PDGFD: variants seen among roughly 807,000 people sequenced by gnomAD.
The protein encoded by PDGFD is platelet derived growth factor D, also known as platelet-derived growth factor D.
A neutral mutation model predicts 44.7 loss-of-function variants in PDGFD; 30 were observed. The ratio of observed to expected loss-of-function variants is 0.67; its 90% CI spans 0.50 to 0.91. PDGFD has a LOEUF of 0.91. Among genes scored for constraint, PDGFD ranks in the 40% least tolerant of loss-of-function variants. The pLI is 0.00. For missense variants in PDGFD, 445 were observed against 457.8 expected, an observed-to-expected ratio of 0.97 and a Z score of 0.25; for synonymous variants, 173 against 168.4, an observed-to-expected ratio of 1.03 and a Z score of -0.21.
In PDGFD at chr11:104,164,002, CCCTGCGCTCTCGCCG is replaced by C; in HGVS notation, c.-90_-76del. The C allele has an allele frequency of 7.0e-7, 1 of 1,435,544 alleles. No homozygotes were observed. The highest frequency in any genetic ancestry group is 9.3e-7 in the Non-Finnish European group (1 of 1,078,228). The allele number at this position is 1,435,544 out of a possible 1,614,324, so 88.9% of individuals were successfully genotyped here. ...TGCTCCCGGGACCGACGCCGCGCCG[CCCTGCGCTCTCGCCG>C]CCTGCGCTCGCCCTGCGCTGGCCCG... On this transcript the variant is annotated 5_prime_UTR_variant, in exon 1 of 7. Coordinates refer to ENST00000393158, the MANE Select transcript of PDGFD (RefSeq NM_025208.5).
At position 104,016,586 on chromosome 11, in the gene PDGFD, G is replaced by A. The variant is rs562920225; in HGVS notation, c.125-16331C>T. On this transcript the variant is annotated intron_variant, in intron 1 of 6. Coordinates refer to ENST00000393158, the MANE Select transcript of PDGFD (RefSeq NM_025208.5). ...TCAGGGTAAAAGTAAGAAATAAGGG[G>A]CAAGAGAGAAGTTGGAGTGGCAAAC... Among the ~76,000 whole-genome samples, 58 of 152,306 alleles carry A rather than the reference G, an allele frequency of 3.8e-4. No individual in the cohort carries two copies. The South Asian group carries it at 4.1e-3, about 11-fold the overall frequency.
intron 1 of PDGFD, among the ~76,000 whole-genome samples, chr11:104,006,525 C>A (rs1859703590): frequency 6.6e-6 from 1 of 152,176 alleles, no homozygotes; most frequent in Admixed American, 6.5e-5. Context: ...AAATCCACAG[C>A]CCTAAATGGG....
intron 5 of PDGFD, among the ~76,000 whole-genome samples, chr11:103,937,602 T>C (rs1858511827): frequency 6.7e-6 from 1 of 149,858 alleles, no homozygotes; most frequent in South Asian, 2.1e-4. Context: ...ATGCACAATG[T>C]GCAGGTTTGT....
At chr11:103,944,691 C>T (rs749560145) in intron 4 of PDGFD, among the ~76,000 whole-genome samples, 7 of 152,126 alleles carry the variant, frequency 4.6e-5, no homozygotes, top group Non-Finnish European at 7.4e-5. Context: ...GACAGCCAAG[C>T]CCACAATTTA....
intron 1 of PDGFD, among the ~76,000 whole-genome samples, chr11:104,156,851 C>T (rs7111963): frequency 0.44 from 66,847 of 151,970 alleles, 14,780 homozygotes; most frequent in East Asian, 0.56. Flanking sequence ...TGTGGGCTTC[C>T]GCCTTTAGTT....
At chr11:104,027,531 G>A (rs1440964431) in intron 1 of PDGFD, among the ~76,000 whole-genome samples, 3 of 152,166 alleles carry the variant, frequency 2.0e-5, no homozygotes, top group East Asian at 1.9e-4. Context: ...TTACATAAGA[G>A]GATAATGAGG....
intron 1 of PDGFD, among the ~76,000 whole-genome samples, chr11:104,058,325 A>T (rs536945396): frequency 5.0e-4 from 76 of 152,348 alleles, no homozygotes; most frequent in Middle Eastern, 6.8e-3. Context: ...TCAATACAAC[A>T]TGGGCAAAAG....
At chr11:104,036,924 C>T (rs781498269) in intron 1 of PDGFD, 11 of 1,614,204 alleles carry the variant, frequency 6.8e-6, no homozygotes, top group Non-Finnish European at 9.3e-6. Flanking sequence ...AGGTCCTCTG[C>T]GAAGCGGAGT....
intron 1 of PDGFD, among the ~76,000 whole-genome samples, chr11:104,085,020 T>A (rs1861109391): frequency 6.6e-6 from 1 of 150,500 alleles, no homozygotes; most frequent in Non-Finnish European, 1.5e-5. Context: ...ATATCTTACA[T>A]AACCATAGTA....
intron 1 of PDGFD, among the ~76,000 whole-genome samples, chr11:104,158,566 C>T (rs1862341695): frequency 1.3e-5 from 2 of 152,362 alleles, no homozygotes; most frequent in Middle Eastern, 3.4e-3. Flanking sequence ...GGCGCACTGG[C>T]TTACGCCTGT....
At position 104,045,780 on chromosome 11, in the gene PDGFD, G is replaced by C. The variant is rs188802748; in HGVS notation, c.125-45525C>G. Among the ~76,000 whole-genome samples, 4 of 147,270 alleles carry C rather than the reference G, an allele frequency of 2.7e-5. No homozygotes were observed. In the East Asian group the frequency reaches 7.8e-4, roughly 29 times the overall value. ...TTTTCATGGAGCTATTGAAGGTCAAGACGCAATGAACAGAATGTAAGGTAG... is the reference window on the plus strand; with the variant it reads ...TTTTCATGGAGCTATTGAAGGTCAACACGCAATGAACAGAATGTAAGGTAG... On this transcript the variant is annotated intron_variant, in intron 1 of 6. Coordinates refer to ENST00000393158, the MANE Select transcript of PDGFD (RefSeq NM_025208.5).
intron 6 of PDGFD, among the ~76,000 whole-genome samples, chr11:103,916,615 T>C (rs560564112): frequency 1.7e-4 from 26 of 152,224 alleles, no homozygotes; most frequent in African/African-American, 6.3e-4. Flanking sequence ...TATAAATCAT[T>C]CTATTATAAA....
intron 5 of PDGFD, among the ~76,000 whole-genome samples, chr11:103,939,781 C>G (rs2134320295): frequency 6.6e-6 from 1 of 152,120 alleles, no homozygotes; most frequent in Non-Finnish European, 1.5e-5. Flanking sequence ...AAAAAATTAA[C>G]TTCTGGGCAG....
In PDGFD at chr11:104,143,594, G is replaced by A. The variant is rs114741551; in HGVS notation, c.124+20210C>T. 6.7e-3 allele frequency among the ~76,000 whole-genome samples: 1,026 copies of A among 152,284 alleles called. 9 individuals carry two copies. The highest frequency in any genetic ancestry group is 0.023 in the African/African-American group (972 of 41,558). Reference sequence around the variant, plus strand: ...GGATAGAAGCACCACCTAGGTGCTCGTATGGCCCTGTTCTCACAACACTTA... The same window carrying A: ...GGATAGAAGCACCACCTAGGTGCTCATATGGCCCTGTTCTCACAACACTTA... On this transcript the variant is annotated intron_variant, in intron 1 of 6. Transcript: ENST00000393158.
intron 5 of PDGFD, among the ~76,000 whole-genome samples, chr11:103,940,438 A>G (rs1400763969): frequency 6.6e-6 from 1 of 152,126 alleles, no homozygotes; most frequent in Non-Finnish European, 1.5e-5. Flanking sequence ...CTTCTGCACA[A>G]CATCATTAAG....
At chr11:104,128,713 G>A (rs1861874478) in intron 1 of PDGFD, among the ~76,000 whole-genome samples, 1 of 152,106 alleles carries the variant, frequency 6.6e-6, no homozygotes, top group Non-Finnish European at 1.5e-5. Context: ...CTCAATAAGT[G>A]TCAACTTATT....
intron 5 of PDGFD, among the ~76,000 whole-genome samples, chr11:103,927,750 G>C (rs2134311513): frequency 6.6e-6 from 1 of 152,314 alleles, no homozygotes; most frequent in African/African-American, 2.4e-5. Context: ...TAGTGGTTAA[G>C]TGCTTTGGAG....
chr11:104,062,554 C>T (rs1039988883), intron 1 of PDGFD, among the ~76,000 whole-genome samples: 1 of 152,124 alleles, frequency 6.6e-6, no homozygotes, highest in Non-Finnish European at 1.5e-5. Context: ...CCTCAGAATA[C>T]GTTAGGAATA....
chr11:104,074,758 AG>A (rs1860930794), intron 1 of PDGFD, among the ~76,000 whole-genome samples: 1 of 152,218 alleles, frequency 6.6e-6, no homozygotes, highest in South Asian at 2.1e-4. Context: ...TTATACACAC[AG>A]TTTGCAACAA....
Sources: allele counts gnomAD v4.1 joint callset (sites outside exome capture counted in the v4.1 genomes callset), GRCh38; gene constraint gnomAD v4.1.1; transcripts MANE v1.5; gene names NCBI Gene and HGNC (gene_info 2026-07-23, HGNC 2026-07-21).